Variants in PTPRT observed in about 807,000 individuals in gnomAD.
The protein encoded by PTPRT is protein tyrosine phosphatase receptor type T.
In PTPRT, 56 loss-of-function variants were observed where a neutral mutation model predicts 176.8. That is an observed-to-expected ratio of 0.32 (90% CI 0.26 to 0.40). The LOEUF (loss-of-function observed/expected upper bound fraction) is 0.40. Ranked by LOEUF, PTPRT falls within the 10% of genes least tolerant of loss-of-function variation. The pLI is 1.00. For synonymous variants in PTPRT, 783 were observed against 739.0 expected (o/e 1.06, Z -0.96); for missense variants, 1,540 against 1,908.2 (o/e 0.81, Z 3.60).
chr20:42,503,239 GTTCT>G (rs1297884763), intron 7 of PTPRT, among the ~76,000 whole-genome samples: 3 of 150,048 alleles, frequency 2.0e-5, no homozygotes, highest in Non-Finnish European at 4.5e-5. Context: ...TTAATCTATT[GTTCT>G]TTTTTACCGT....
At chr20:42,262,541 G>T (rs1416417786) in intron 13 of PTPRT, among the ~76,000 whole-genome samples, 1 of 152,198 alleles carries the variant, frequency 6.6e-6, no homozygotes, top group Non-Finnish European at 1.5e-5. Flanking sequence ...TTCAAATACT[G>T]GATTGAAAAC....
intron 1 of PTPRT, among the ~76,000 whole-genome samples, chr20:43,039,966 G>C (rs1486461453): frequency 6.6e-6 from 1 of 152,050 alleles, no homozygotes; most frequent in Non-Finnish European, 1.5e-5. Context: ...GTTTGAGCCT[G>C]GGAGGCAGAG....
intron 17 of PTPRT, among the ~76,000 whole-genome samples, chr20:42,145,496 T>TAATAGATAGATA (rs1232714845): frequency 1.2e-5 from 1 of 85,858 alleles, no homozygotes; most frequent in South Asian, 4.3e-4. Context: ...AGACTTTGTC[T>TAATAGATAGATA]CATAGATAGA....
chr20:42,555,198 A>G (rs2145628594), intron 7 of PTPRT, among the ~76,000 whole-genome samples: 1 of 152,292 alleles, frequency 6.6e-6, no homozygotes, highest in South Asian at 2.1e-4. Context: ...CCTGGAAGGA[A>G]GGATTTAATG....
At chr20:42,760,123 G>T (rs369705525) in intron 5 of PTPRT, among the ~76,000 whole-genome samples, 1 of 152,320 alleles carries the variant, frequency 6.6e-6, no homozygotes, top group African/African-American at 2.4e-5. Context: ...GAGGCAGAGA[G>T]AGGAGGAAAC....
chr20:42,295,633 TGA>T (rs554284179), intron 12 of PTPRT, among the ~76,000 whole-genome samples: 4 of 149,992 alleles, frequency 2.7e-5, no homozygotes, highest in Admixed American at 6.7e-5. Context: ...AACTAAAAAT[TGA>T]GAGAGAGAGA....
At chr20:42,891,825 A>G (rs2145887641) in intron 1 of PTPRT, among the ~76,000 whole-genome samples, 1 of 152,332 alleles carries the variant, frequency 6.6e-6, no homozygotes, top group Non-Finnish European at 1.5e-5. Flanking sequence ...TATATATATT[A>G]ACGTAGATGT....
At chr20:43,002,762 A>G (rs1984645827) in intron 1 of PTPRT, among the ~76,000 whole-genome samples, 1 of 152,132 alleles carries the variant, frequency 6.6e-6, no homozygotes, top group African/African-American at 2.4e-5. Context: ...ATACTTTAAT[A>G]ACTGAGCAAG....
intron 13 of PTPRT, among the ~76,000 whole-genome samples, chr20:42,250,536 G>A (rs962289324): frequency 6.6e-6 from 1 of 151,966 alleles, no homozygotes; most frequent in Non-Finnish European, 1.5e-5. Flanking sequence ...TCCTCTCTCA[G>A]AGCACTTTCC....
intron 5 of PTPRT, among the ~76,000 whole-genome samples, chr20:42,763,313 G>A (rs1188844752): frequency 1.3e-5 from 2 of 152,140 alleles, no homozygotes; most frequent in African/African-American, 4.8e-5. Context: ...ACTTGTAATT[G>A]GCAGAAGTGG....
chr20:42,830,213 C>T (rs906090796), intron 2 of PTPRT, among the ~76,000 whole-genome samples: 22 of 152,260 alleles, frequency 1.4e-4, no homozygotes, highest in African/African-American at 4.8e-4. Flanking sequence ...TACTTGCAAA[C>T]CAAATCCAGC....
chr20:42,979,978 G>T (rs1004318927), intron 1 of PTPRT, among the ~76,000 whole-genome samples: 3 of 124,504 alleles, frequency 2.4e-5, no homozygotes, highest in Non-Finnish European at 5.1e-5. Context: ...TATGCCGGCC[G>T]GGAAGGGGGG....
At chr20:43,008,616 G>A (rs927078319) in intron 1 of PTPRT, among the ~76,000 whole-genome samples, 3 of 152,070 alleles carry the variant, frequency 2.0e-5, no homozygotes, top group African/African-American at 4.8e-5. Flanking sequence ...ACTTGCATCC[G>A]GGAGATGGAG....
intron 1 of PTPRT, among the ~76,000 whole-genome samples, chr20:43,009,047 T>C (rs1984994524): frequency 1.3e-5 from 2 of 152,178 alleles, no homozygotes; most frequent in African/African-American, 2.4e-5. Context: ...GTTCAGCTAA[T>C]GATCCTGATA....
At chr20:42,183,493 A>G (rs1330175820) in intron 16 of PTPRT, among the ~76,000 whole-genome samples, 1 of 152,244 alleles carries the variant, frequency 6.6e-6, no homozygotes, top group African/African-American at 2.4e-5. Flanking sequence ...TAGATTTGTA[A>G]AATGTGCAGA....
At chr20:42,633,931 TAATA>T (rs1381063542) in intron 7 of PTPRT, among the ~76,000 whole-genome samples, 1 of 45,330 alleles carries the variant, frequency 2.2e-5, no homozygotes, top group African/African-American at 8.6e-5. Context: ...TAATATATTA[TAATA>T]ATATAATATA....
At chr20:43,099,667 T>C (rs1007199856) in intron 1 of PTPRT, among the ~76,000 whole-genome samples, 1 of 152,180 alleles carries the variant, frequency 6.6e-6, no homozygotes, top group African/African-American at 2.4e-5. Context: ...TCCGGGTCTC[T>C]GCTTCTGTCT....
intron 2 of PTPRT, among the ~76,000 whole-genome samples, chr20:42,805,070 C>T (rs2077585826): frequency 6.6e-6 from 1 of 151,994 alleles, no homozygotes; most frequent in Non-Finnish European, 1.5e-5. Flanking sequence ...CTAAGGCAGT[C>T]CTAGGAGGGT....
At chr20:42,963,153 C>A (rs376256424) in intron 1 of PTPRT, among the ~76,000 whole-genome samples, 1 of 151,846 alleles carries the variant, frequency 6.6e-6, no homozygotes, top group East Asian at 1.9e-4. Flanking sequence ...GAGCTTAGAT[C>A]GCACCACTGC....
Sources: allele counts gnomAD v4.1 joint callset (sites outside exome capture counted in the v4.1 genomes callset), GRCh38; gene constraint gnomAD v4.1.1; transcripts MANE v1.5; gene names NCBI Gene and HGNC (gene_info 2026-07-23, HGNC 2026-07-21).